Variants in HDAC9 observed in about 807,000 individuals in gnomAD.
HDAC9 encodes MEF-2 interacting transcription repressor (MITR) protein.
Under a neutral mutation model 139.4 loss-of-function variants are expected in HDAC9, and 41 were observed. That is an observed-to-expected ratio of 0.29 (90% CI 0.23 to 0.38). The LOEUF (loss-of-function observed/expected upper bound fraction) is 0.38. Ranked by LOEUF, HDAC9 falls within the 10% of genes least tolerant of loss-of-function variation. The pLI, the probability that HDAC9 is intolerant of heterozygous loss-of-function variation, is 1.00. For synonymous variants in HDAC9, 517 were observed against 476.2 expected (o/e 1.09, Z -1.12); for missense variants, 1,147 against 1,297.0 (o/e 0.88, Z 1.78).
chr7:18,620,584 G>A (rs540749866), intron 6 of HDAC9, among the ~76,000 whole-genome samples: 80 of 149,588 alleles, frequency 5.3e-4, no homozygotes, highest in African/African-American at 1.9e-3. Context: ...CATTCACTCC[G>A]TAAACTTTTA....
At chr7:18,439,753 A>G (rs1301844079) in intron 1 of HDAC9, among the ~76,000 whole-genome samples, 2 of 152,210 alleles carry the variant, frequency 1.3e-5, no homozygotes, top group African/African-American at 4.8e-5. Context: ...GTATCATTTC[A>G]TAAAACTTTA....
At chr7:18,520,383 G>T (rs1259934019) in intron 2 of HDAC9, among the ~76,000 whole-genome samples, 1 of 152,052 alleles carries the variant, frequency 6.6e-6, no homozygotes, top group Admixed American at 6.6e-5. Context: ...TTGCAGAAAT[G>T]TCACTCACTA....
At chr7:18,859,984 A>G (rs1020578478) in intron 21 of HDAC9, among the ~76,000 whole-genome samples, 1 of 151,342 alleles carries the variant, frequency 6.6e-6, no homozygotes, top group Middle Eastern at 3.4e-3. Context: ...TGCAAAGACT[A>G]AAGAGAGGCT....
intron 12 of HDAC9, among the ~76,000 whole-genome samples, chr7:18,714,627 C>CTTCT (rs141104838): frequency 6.6e-6 from 1 of 152,266 alleles, no homozygotes; most frequent in Admixed American, 6.5e-5. Context: ...ATGGAACATT[C>CTTCT]TTCTTTCTTT....
intron 22 of HDAC9, among the ~76,000 whole-genome samples, chr7:18,923,295 G>C (rs1803922333): frequency 6.6e-6 from 1 of 152,020 alleles, no homozygotes; most frequent in African/African-American, 2.4e-5. Context: ...AGACTCAACA[G>C]CTGCGTATCC....
chr7:18,694,640 C>G (rs912024621), intron 12 of HDAC9, among the ~76,000 whole-genome samples: 1 of 152,000 alleles, frequency 6.6e-6, no homozygotes, highest in Admixed American at 6.6e-5. Flanking sequence ...AAAAGAGACT[C>G]GCAAATCCCT....
intron 1 of HDAC9, among the ~76,000 whole-genome samples, chr7:18,435,524 G>A (rs1791109128): frequency 2.0e-5 from 3 of 152,094 alleles, no homozygotes; most frequent in Admixed American, 2.0e-4. Context: ...GGAAAACTTT[G>A]CTACTAGTAT....
At chr7:18,110,341 A>G (rs1295499384) in intron 1 of HDAC9, among the ~76,000 whole-genome samples, 7 of 152,376 alleles carry the variant, frequency 4.6e-5, no homozygotes, top group Admixed American at 3.9e-4. Context: ...ATATAGTCAT[A>G]AAAGCTACAG....
chr7:18,406,109 A>G (rs1217864441), intron 1 of HDAC9, among the ~76,000 whole-genome samples: 2 of 152,254 alleles, frequency 1.3e-5, no homozygotes. Flanking sequence ...TAATGAAAAC[A>G]TTCTTAAAAA....
chr7:18,361,876 A>G lies in HDAC9; in HGVS notation c.-42+71361A>G, dbSNP rs541235295. Reference sequence around the variant, plus strand: ...AATTACTGATACACTCAGGAGACTCACCGTCAGTACATGATATGCTATTTT... The same window carrying G: ...AATTACTGATACACTCAGGAGACTCGCCGTCAGTACATGATATGCTATTTT... On this transcript the variant is annotated intron_variant, in intron 1 of 3. Coordinates refer to the HDAC9 transcript ENST00000413509. Among the ~76,000 whole-genome samples, 36 of 151,636 alleles carry G rather than the reference A, an allele frequency of 2.4e-4. No individual in the cohort carries two copies. In the South Asian group the frequency reaches 4.2e-3, roughly 18 times the overall value.
At chr7:18,111,816 G>A (rs930844617) in intron 1 of HDAC9, among the ~76,000 whole-genome samples, 1 of 152,206 alleles carries the variant, frequency 6.6e-6, no homozygotes, top group Non-Finnish European at 1.5e-5. Context: ...GTCACATAAA[G>A]TAAATGTAAG....
chr7:18,416,952 T>C (rs1294162016), intron 1 of HDAC9, among the ~76,000 whole-genome samples: 2 of 152,164 alleles, frequency 1.3e-5, no homozygotes, highest in Non-Finnish European at 2.9e-5. Context: ...AAGTTTTCTT[T>C]ATGCTTCTTG....
At chr7:18,876,649 T>A (rs562937108) in intron 22 of HDAC9, among the ~76,000 whole-genome samples, 1 of 152,104 alleles carries the variant, frequency 6.6e-6, no homozygotes, top group Non-Finnish European at 1.5e-5. Flanking sequence ...CATGAGGCAT[T>A]TTCTGTATTT....
At chr7:18,563,706 A>G (rs974645689) in intron 2 of HDAC9, among the ~76,000 whole-genome samples, 1 of 149,746 alleles carries the variant, frequency 6.7e-6, no homozygotes, top group African/African-American at 2.4e-5. Context: ...CTTGCCATCA[A>G]TTCCCTCAGA....
chr7:18,307,936 A>G (rs1051370172), intron 1 of HDAC9, among the ~76,000 whole-genome samples: 1 of 152,236 alleles, frequency 6.6e-6, no homozygotes, highest in African/African-American at 2.4e-5. Flanking sequence ...TGTGGAATAT[A>G]TGCACCAATG....
At chr7:18,365,660 C>A (rs1415724806) in intron 1 of HDAC9, among the ~76,000 whole-genome samples, 1 of 150,680 alleles carries the variant, frequency 6.6e-6, no homozygotes. Flanking sequence ...AATAAAAAAG[C>A]AAATAAAGCC....
At chr7:18,353,882 T>C (rs1783050263) in intron 1 of HDAC9, among the ~76,000 whole-genome samples, 3 of 152,216 alleles carry the variant, frequency 2.0e-5, no homozygotes, top group Admixed American at 1.3e-4. Flanking sequence ...CATGGACTTA[T>C]TCTTTTCATT....
At chr7:18,690,144 C>A (rs185999845) in intron 12 of HDAC9, among the ~76,000 whole-genome samples, 62 of 152,040 alleles carry the variant, frequency 4.1e-4, no homozygotes, top group African/African-American at 1.3e-3. Flanking sequence ...ACCCTTTTTG[C>A]AAGAGCCCCC....
intron 12 of HDAC9, among the ~76,000 whole-genome samples, chr7:18,681,808 A>G (rs940583955): frequency 2.6e-5 from 4 of 152,016 alleles, no homozygotes; most frequent in African/African-American, 4.8e-5. Flanking sequence ...AGGTGCCAAG[A>G]TATCGCCCCA....
Sources: allele counts gnomAD v4.1 joint callset (sites outside exome capture counted in the v4.1 genomes callset), GRCh38; gene constraint gnomAD v4.1.1; transcripts MANE v1.5; gene names NCBI Gene and HGNC (gene_info 2026-07-23, HGNC 2026-07-21).